Variants in EIPR1 observed in about 807,000 individuals in gnomAD.
The protein encoded by EIPR1 is EARP and GARP complex-interacting protein 1.
EIPR1 carries 25 observed loss-of-function variants against 48.1 expected under a neutral mutation model. The ratio of observed to expected loss-of-function variants is 0.52; its 90% confidence interval spans 0.38 to 0.73. EIPR1 has a LOEUF of 0.73. Among genes scored for constraint, EIPR1 ranks in the 30% least tolerant of loss-of-function variants. EIPR1 has a pLI of 0.00. For synonymous variants in EIPR1, 204 were observed against 201.9 expected (o/e 1.01, Z -0.09); for missense variants, 415 against 506.2 (o/e 0.82, Z 1.73).
In EIPR1 at chr2:3,193,974, C is replaced by A. The variant is rs777790611; in HGVS notation, c.821+25G>T. 3 of 1,611,596 alleles carry A rather than the reference C, an allele frequency of 1.9e-6. No individual in the cohort carries two copies. In the East Asian group the frequency reaches 6.7e-5, roughly 36 times the overall value. On this transcript the variant is annotated intron_variant, in intron 7 of 8. Transcript: ENST00000382125. ...AATCAATTGCGTAATCCCCTCCTCCCTGAAGCAGCCAGGAGCGGCCCTACC... is the reference window on the plus strand; with the variant it reads ...AATCAATTGCGTAATCCCCTCCTCCATGAAGCAGCCAGGAGCGGCCCTACC...
rs1290691323 is a variant in EIPR1 at position 3,203,785 on chromosome 2, G to A, written c.517-6768C>T. 8.5e-5 allele frequency among the ~76,000 whole-genome samples: 13 copies of A among 152,346 alleles called. No homozygotes were observed. In the East Asian group the frequency reaches 2.5e-3, roughly 29 times the overall value. Reference sequence around the variant, plus strand: ...ATCTGGGCTTCATCTTGCTGGCTGGGATGAGGCAAGCTCCACACTGTGGGG... The same window carrying A: ...ATCTGGGCTTCATCTTGCTGGCTGGAATGAGGCAAGCTCCACACTGTGGGG... On this transcript the variant is annotated intron_variant, in intron 5 of 8. Transcript: ENST00000382125.
intron 3 of EIPR1, among the ~76,000 whole-genome samples, chr2:3,270,588 AG>A (rs1468729096): frequency 2.6e-5 from 4 of 152,230 alleles, no homozygotes; most frequent in Middle Eastern, 6.3e-3. Context: ...TGCATGTAAA[AG>A]TTATGCTGAC....
At chr2:3,259,522 G>T (rs1010418804) in intron 3 of EIPR1, among the ~76,000 whole-genome samples, 1 of 152,112 alleles carries the variant, frequency 6.6e-6, no homozygotes, top group Non-Finnish European at 1.5e-5. Flanking sequence ...AAGTTTCCAC[G>T]TATCCGGTTC....
chr2:3,266,183 G>A (rs1300732743), intron 3 of EIPR1, among the ~76,000 whole-genome samples: 2 of 152,190 alleles, frequency 1.3e-5, no homozygotes, highest in African/African-American at 2.4e-5. Flanking sequence ...CAGTCAGCCC[G>A]GCTAAAGGGC....
chr2:3,273,818 C>T (rs750737368), intron 3 of EIPR1, among the ~76,000 whole-genome samples: 16 of 152,154 alleles, frequency 1.1e-4, no homozygotes, highest in East Asian at 3.9e-4. Context: ...CTGTGACCCA[C>T]GACAAACCCA....
At chr2:3,241,850 T>C (rs1488038859) in intron 4 of EIPR1, among the ~76,000 whole-genome samples, 1 of 152,182 alleles carries the variant, frequency 6.6e-6, no homozygotes, top group Admixed American at 6.6e-5. Flanking sequence ...TTCATGCTGA[T>C]CAAACAAAAT....
chr2:3,349,771 G>T (rs1462795603), intron 2 of EIPR1, among the ~76,000 whole-genome samples: 1 of 152,186 alleles, frequency 6.6e-6, no homozygotes, highest in Non-Finnish European at 1.5e-5. Context: ...CACACTGCAA[G>T]ATGGGGACAC....
chr2:3,290,803 G>A (rs770278253), intron 3 of EIPR1, among the ~76,000 whole-genome samples: 8 of 152,182 alleles, frequency 5.3e-5, no homozygotes, highest in Non-Finnish European at 8.8e-5. Context: ...TGGGTCTTTC[G>A]CGAATCAACC....
intron 4 of EIPR1, among the ~76,000 whole-genome samples, chr2:3,235,434 ACACACGCGTGCGCG>A (rs1666373069): frequency 1.1e-5 from 1 of 94,258 alleles, no homozygotes; most frequent in Non-Finnish European, 2.2e-5. Flanking sequence ...ACACACACAC[ACACACGCGTGCGCG>A]CACACACACA....
intron 3 of EIPR1, among the ~76,000 whole-genome samples, chr2:3,269,449 C>G (rs1667615450): frequency 1.1e-5 from 1 of 88,808 alleles, no homozygotes; most frequent in Non-Finnish European, 2.3e-5. Flanking sequence ...TCACCACACT[C>G]AATCATCACC....
intron 3 of EIPR1, among the ~76,000 whole-genome samples, chr2:3,327,454 G>A (rs931074675): frequency 3.3e-5 from 5 of 152,194 alleles, no homozygotes; most frequent in African/African-American, 1.2e-4. Context: ...ATAGTGCTGG[G>A]ATAACAGGTG....
chr2:3,249,802 T>C (rs1018647726), intron 4 of EIPR1, among the ~76,000 whole-genome samples: 1 of 152,220 alleles, frequency 6.6e-6, no homozygotes, highest in Non-Finnish European at 1.5e-5. Flanking sequence ...CTCAGGACAC[T>C]GCTCCCTGCA....
At position 3,293,552 on chromosome 2, in the gene EIPR1, A is replaced by C. The variant is rs541410058; in HGVS notation, c.260-36097T>G. 2.6e-5 allele frequency among the ~76,000 whole-genome samples: 4 copies of C among 152,316 alleles called. No homozygotes were observed. The East Asian group carries it at 5.8e-4, about 22-fold the overall frequency. ...GAAGACCTGCTTCAAAGACGGGCCC[A>C]TCAGCCACGACTGGACCAGTCCCCA... On this transcript the variant is annotated intron_variant, in intron 3 of 8. Coordinates refer to ENST00000382125, the MANE Select transcript of EIPR1 (RefSeq NM_003310.5).
chr2:3,236,084 C>A (rs1020757644), intron 4 of EIPR1, among the ~76,000 whole-genome samples: 2 of 152,164 alleles, frequency 1.3e-5, no homozygotes, highest in Admixed American at 6.5e-5. Flanking sequence ...GGCACCACAC[C>A]ACTCTCCCGC....
At position 3,189,631 on chromosome 2, in the gene EIPR1, C is replaced by T. The variant is rs139535342; in HGVS notation, c.990-123G>A. On this transcript the variant is annotated intron_variant, in intron 8 of 8. Transcript: ENST00000382125. This position sits in a 1 kb window ranked among gnomAD's most constrained non-coding sequence, Gnocchi z 4.6. ...GAGGTACTGGGGCCTCAGCTTTCTC[C>T]GCTGTGGGATGGGAAGAATTAGAGG... is the stretch of plus-strand genomic sequence containing the variant. 5.3e-3 allele frequency: 4,972 copies of T among 936,250 alleles called. 30 individuals carry two copies. Among genetic ancestry groups the T allele is most frequent in the Admixed American group, 6.7e-3 (213 of 31,746 alleles). 58.0% of individuals were successfully genotyped at this position (936,250 alleles called of 1,614,324 possible).
chr2:3,294,815 C>CTG (rs1668490011), intron 3 of EIPR1, among the ~76,000 whole-genome samples: 1 of 115,282 alleles, frequency 8.7e-6, no homozygotes. Flanking sequence ...CATCCTCTCT[C>CTG]CACACACCCT....
intron 3 of EIPR1, among the ~76,000 whole-genome samples, chr2:3,309,603 A>G (rs967803459): frequency 1.9e-4 from 29 of 152,162 alleles, no homozygotes; most frequent in African/African-American, 6.3e-4. Context: ...CGGCCTATGC[A>G]GTCTACAAAA....
chr2:3,258,589 A>G (rs1398996012), intron 3 of EIPR1, among the ~76,000 whole-genome samples: 4 of 152,246 alleles, frequency 2.6e-5, no homozygotes, highest in East Asian at 1.9e-4. Context: ...TCGAAAATGT[A>G]TCACTTACTG....
chr2:3,201,149 TCTCTCA>T (rs1292569214), intron 5 of EIPR1, among the ~76,000 whole-genome samples: 1 of 152,078 alleles, frequency 6.6e-6, no homozygotes, highest in African/African-American at 2.4e-5. Context: ...CGTTTCTCTT[TCTCTCA>T]CTCCGGCCTG....
Sources: gnomAD v4.1 joint callset for allele counts (sites outside exome capture counted in the v4.1 genomes callset) on GRCh38, gnomAD v4.1.1 for gene constraint, Gnocchi (gnomAD v3.1) non-coding constraint, MANE v1.5 for transcripts, NCBI Gene and HGNC (gene_info 2026-07-23, HGNC 2026-07-21) for gene names.